UBAC2: variants seen among roughly 807,000 people sequenced by gnomAD.
The protein encoded by UBAC2 is ubiquitin-associated domain-containing protein 2.
Under a neutral mutation model 44.0 loss-of-function variants are expected in UBAC2, and 26 were observed. That is an observed-to-expected ratio of 0.59 (90% confidence interval 0.43 to 0.82). The LOEUF (loss-of-function observed/expected upper bound fraction) is 0.82, where lower values mean the gene tolerates loss of function less well. UBAC2 is among the 40% of genes least tolerant of loss of function. The pLI is 0.00. For synonymous variants in UBAC2, 155 were observed against 154.3 expected (o/e 1.00, Z -0.04); for missense variants, 329 against 419.4 (o/e 0.78, Z 1.88).
intron 4 of UBAC2, among the ~76,000 whole-genome samples, chr13:99,250,272 G>A (rs2043441376): frequency 6.6e-6 from 1 of 152,128 alleles, no homozygotes; most frequent in African/African-American, 2.4e-5. Flanking sequence ...TTCATTTTCT[G>A]CATATGACTA....
chr13:99,314,826 C>CT (rs1687164587), intron 5 of UBAC2: 1 of 152,330 alleles, frequency 6.6e-6, no homozygotes, highest in African/African-American at 2.4e-5. Flanking sequence ...CAATTGCTCC[C>CT]TGCTGGGCTC....
chr13:99,227,054 C>T (rs975471317), intron 1 of UBAC2, among the ~76,000 whole-genome samples: 10 of 152,104 alleles, frequency 6.6e-5, no homozygotes, highest in East Asian at 3.9e-4. Context: ...CAAAATTAGC[C>T]AGTTGTGGTG....
chr13:99,244,902 G>A (rs193060139), intron 4 of UBAC2, among the ~76,000 whole-genome samples: 146 of 151,236 alleles, frequency 9.7e-4, no homozygotes, highest in African/African-American at 3.4e-3. Context: ...GCACGATCTC[G>A]GCTCACTACA....
chr13:99,288,827 A>G (rs901244451), intron 4 of UBAC2, among the ~76,000 whole-genome samples: 9 of 152,236 alleles, frequency 5.9e-5, no homozygotes, highest in East Asian at 3.8e-4. Context: ...ACTACAAATC[A>G]TATAATCTCC....
Position 99,349,634 on chromosome 13 carries a change from TGA to T in UBAC2, c.807+9078_807+9079del, listed in dbSNP as rs950759526. Among the ~76,000 whole-genome samples, 18 of 152,282 alleles carry T rather than the reference TGA, an allele frequency of 1.2e-4. No individual in the cohort carries two copies. The East Asian group carries it at 3.5e-3, about 29-fold the overall frequency. On this transcript the variant is annotated intron_variant, in intron 7 of 8. Coordinates refer to ENST00000403766, the MANE Select transcript of UBAC2 (RefSeq NM_001144072.2). ...CCCTTCCCTCTTAGGTAGCCGAAGC[TGA>T]GAGAGAGAAGGCACCATACGTCAGC...
chr13:99,286,191 TC>T (rs1302357637), intron 4 of UBAC2, among the ~76,000 whole-genome samples: 8 of 152,252 alleles, frequency 5.3e-5, no homozygotes, highest in Non-Finnish European at 1.2e-4. Flanking sequence ...ATTTCTGTTA[TC>T]TATAACTGAA....
chr13:99,243,984 A>G (rs1384804100), intron 3 of UBAC2, 33 bp downstream of exon 3: 5 of 1,476,850 alleles, frequency 3.4e-6, no homozygotes, highest in Non-Finnish European at 4.5e-6. Flanking sequence ...TTTGCTACTT[A>G]GGCTGTAGAA....
intron 4 of UBAC2, among the ~76,000 whole-genome samples, chr13:99,274,152 G>A (rs1196560236): frequency 2.6e-5 from 4 of 151,842 alleles, no homozygotes; most frequent in South Asian, 2.1e-4. Flanking sequence ...TTAACACCCT[G>A]ATCTAGTTTT....
intron 4 of UBAC2, among the ~76,000 whole-genome samples, chr13:99,304,265 A>G (rs530573234): frequency 6.6e-6 from 1 of 152,226 alleles, no homozygotes; most frequent in East Asian, 1.9e-4. Context: ...CCTCTGTTTG[A>G]TGTCCTCTGG....
At chr13:99,288,801 C>T (rs2044052801) in intron 4 of UBAC2, among the ~76,000 whole-genome samples, 2 of 152,218 alleles carry the variant, frequency 1.3e-5, no homozygotes, top group Admixed American at 1.3e-4. Context: ...ATATCAACCT[C>T]TTACCATACT....
intron 4 of UBAC2, among the ~76,000 whole-genome samples, chr13:99,279,316 T>C (rs1344197851): frequency 6.6e-6 from 1 of 152,204 alleles, no homozygotes. Flanking sequence ...GATCAAAATT[T>C]GTATCTAGAA....
At chr13:99,361,902 T>C (rs1352068756) in intron 7 of UBAC2, among the ~76,000 whole-genome samples, 1 of 152,154 alleles carries the variant, frequency 6.6e-6, no homozygotes, top group Non-Finnish European at 1.5e-5. Context: ...GAGGCTGAGA[T>C]GGAAGATTGC....
chr13:99,351,703 A>G (rs1299986679), intron 7 of UBAC2: 4 of 456,620 alleles, frequency 8.8e-6, no homozygotes, highest in African/African-American at 6.0e-5. Flanking sequence ...ATTTCCATCT[A>G]TTTTAGAAGC....
chr13:99,244,404 C>CACATATGCATGTGTGTATATACAT, intron 3 of UBAC2, 111 bp from the exon 4 acceptor site: 1 of 696,990 alleles, frequency 1.4e-6, no homozygotes, highest in Non-Finnish European at 2.5e-6. Context: ...TGTATATACA[C>CACATATGCATGTGTGTATATACAT]ACACACACAT....
chr13:99,306,684 G>A (rs1039582592), intron 4 of UBAC2, among the ~76,000 whole-genome samples: 2 of 151,928 alleles, frequency 1.3e-5, no homozygotes, highest in Non-Finnish European at 2.9e-5. Flanking sequence ...TTCCCCTCAG[G>A]CACATAGAAA....
chr13:99,372,582 G>T, intron 8 of UBAC2: 1 of 152,458 alleles, frequency 6.6e-6, no homozygotes. Flanking sequence ...CACCAAGGTG[G>T]GGAAGCTGCT....
chr13:99,242,460 AC>A (rs1179921741), intron 2 of UBAC2, among the ~76,000 whole-genome samples: 14 of 76,286 alleles, frequency 1.8e-4, no homozygotes, highest in South Asian at 9.5e-4. Flanking sequence ...CGGGGGGCTG[AC>A]CCCCCCACCT....
At chr13:99,266,882 A>G (rs1435494183) in intron 4 of UBAC2, among the ~76,000 whole-genome samples, 1 of 152,216 alleles carries the variant, frequency 6.6e-6, no homozygotes, top group Non-Finnish European at 1.5e-5. Context: ...TATATCCCTG[A>G]AAGTGAAATT....
chr13:99,216,389 G>C (rs1236179538), intron 1 of UBAC2, among the ~76,000 whole-genome samples: 1 of 152,176 alleles, frequency 6.6e-6, no homozygotes, highest in Non-Finnish European at 1.5e-5. Context: ...ACAGGTGTGA[G>C]CCACCGTGCC....
Sources: allele counts gnomAD v4.1 joint callset (sites outside exome capture counted in the v4.1 genomes callset), GRCh38; gene constraint gnomAD v4.1.1; transcripts MANE v1.5; gene names NCBI Gene and HGNC (gene_info 2026-07-23, HGNC 2026-07-21).